SF3B1: variants seen among roughly 807,000 people sequenced by gnomAD.
SF3B1 encodes the protein splicing factor 3b subunit 1.
In SF3B1, 12 loss-of-function variants were observed where a neutral mutation model predicts 153.8. The ratio of observed to expected loss-of-function variants is 0.08; its 90% CI spans 0.05 to 0.13. SF3B1 has a LOEUF of 0.13. Among genes scored for constraint, SF3B1 ranks in the 10% least tolerant of loss-of-function variants. The pLI, the probability that SF3B1 is intolerant of heterozygous loss-of-function variation, is 1.00. For synonymous variants in SF3B1, 498 were observed against 525.2 expected (o/e 0.95, Z 0.71); for missense variants, 513 against 1,606.1 (o/e 0.32, Z 11.63).
At chr2:197,416,427 G>C (rs964671949) in intron 6 of SF3B1, among the ~76,000 whole-genome samples, 2 of 152,048 alleles carry the variant, frequency 1.3e-5, no homozygotes, top group Admixed American at 6.6e-5. Flanking sequence ...GGTAAATTAA[G>C]GTCAAATGGG....
At chr2:197,420,390 A>C (rs1378053870) in intron 4 of SF3B1, 38 bp downstream of exon 4, 2 of 1,479,388 alleles carry the variant, frequency 1.4e-6, no homozygotes, top group East Asian at 2.3e-5. Flanking sequence ...AATACAAATA[A>C]ATTTCTGAAT....
At chr2:197,431,394 A>C (rs76204729) in intron 1 of SF3B1, among the ~76,000 whole-genome samples, 23,856 of 152,164 alleles carry the variant, frequency 0.16, 2,118 homozygotes, top group Middle Eastern at 0.28. Context: ...TGCTGGGATT[A>C]TAGGTGTGAG....
At chr2:197,417,586 A>AAG (rs1035844602) in intron 5 of SF3B1, among the ~76,000 whole-genome samples, 3 of 150,836 alleles carry the variant, frequency 2.0e-5, no homozygotes, top group African/African-American at 7.3e-5. Flanking sequence ...AAAAAAAAAA[A>AAG]AAAAAAAAAG....
At position 197,401,644 on chromosome 2, in the gene SF3B1, AACAT is replaced by A; in HGVS notation, c.2370+94_2370+97del. The A allele has an allele frequency of 6.8e-7, 1 of 1,473,812 alleles. No homozygotes were observed. Among genetic ancestry groups the A allele is most frequent in the Non-Finnish European group, 9.3e-7 (1 of 1,076,012 alleles). The allele number at this position is 1,473,812 out of a possible 1,614,324, so 91.3% of individuals were successfully genotyped here. A position where few individuals can be genotyped will look rare whatever the true frequency, so the allele number is the denominator to read the frequency against. ...AAAACAAATCAAACAGTATTCGTGT[AACAT>A]ACAGTTTTTTTTGTTGATTTTTAAA... is the stretch of plus-strand genomic sequence containing the variant. On this transcript the variant is annotated intron_variant, in intron 16 of 24. Transcript: ENST00000335508. The surrounding 1 kb of genome is among the most constrained non-coding windows in gnomAD (Gnocchi z 4.2).
At position 197,434,238 on chromosome 2, in the gene SF3B1, T is replaced by G. The variant is rs539250873; in HGVS notation, c.28+734A>C. Among the ~76,000 whole-genome samples, 11 of 152,314 alleles carry G rather than the reference T, an allele frequency of 7.2e-5. No individual in the cohort carries two copies. The South Asian group carries it at 1.2e-3, about 17-fold the overall frequency. Reference sequence around the variant, plus strand: ...CCCATTTTCTGTCATCTCTGGATACTTCCTAATGAACTCCAGTCTATTCCC... The same window carrying G: ...CCCATTTTCTGTCATCTCTGGATACGTCCTAATGAACTCCAGTCTATTCCC... On this transcript the variant is annotated intron_variant, in intron 1 of 24. Coordinates refer to ENST00000335508, the MANE Select transcript of SF3B1 (RefSeq NM_012433.4).
At chr2:197,409,092 T>C (rs1276383747) in intron 7 of SF3B1, among the ~76,000 whole-genome samples, 1 of 152,042 alleles carries the variant, frequency 6.6e-6, no homozygotes, top group Non-Finnish European at 1.5e-5. Context: ...ACATTGTCTC[T>C]ACAAAAAATT....
rs764899588 is a variant in SF3B1 at position 197,393,086 on chromosome 2, A to G, written c.3642T>C (p.Tyr1214=). 5 of 1,613,460 alleles carry G rather than the reference A, an allele frequency of 3.1e-6. No individual in the cohort carries two copies. The highest frequency in any genetic ancestry group is 1.1e-5 in the South Asian group (1 of 91,064). The change falls in exon 24 of 25, where the codon TAT becomes TAC. Residue 1214 remains tyrosine, a synonymous_variant. Transcript: ENST00000335508. ...CEDSLNHLLN[Y]VWPNVFETSP... is the part of the protein sequence containing the mutation. ...ATGTCTCAAATACATTGGGCCATAC[A>G]TAGTTCAACAAGTGATTCAGCGAAT...
At position 197,400,634 on chromosome 2, in the gene SF3B1, T is replaced by C; in HGVS notation, c.2718+81A>G. On this transcript the variant is annotated intron_variant, in intron 18 of 24. Transcript: ENST00000335508. The surrounding 1 kb of genome is among the most constrained non-coding windows in gnomAD (Gnocchi z 5.0). ...AATTACTTCAAATTCAATTGCATTC[T>C]AGAAAAATTTGCTTGACAACTAATA... 1.7e-6 allele frequency: 2 copies of C among 1,165,736 alleles called. No homozygotes were observed. The highest frequency in any genetic ancestry group is 1.2e-6 in the Non-Finnish European group (1 of 816,708). The allele number at this position is 1,165,736 out of a possible 1,614,324, so 72.2% of individuals were successfully genotyped here.
chr2:197,393,770 G>T (rs558813431), intron 23 of SF3B1, among the ~76,000 whole-genome samples: 2 of 152,180 alleles, frequency 1.3e-5, no homozygotes, highest in South Asian at 4.2e-4. Context: ...ACTTTTAAAA[G>T]GAATATGAGC....
intron 1 of SF3B1, among the ~76,000 whole-genome samples, chr2:197,430,929 G>A (rs1188366784): frequency 2.0e-5 from 3 of 151,840 alleles, no homozygotes; most frequent in Admixed American, 2.0e-4. Context: ...CAAAATGCTG[G>A]GATTACATGC....
Position 197,401,368 on chromosome 2 carries a change from T to A in SF3B1, c.2496+32A>T. The A allele has an allele frequency of 6.4e-7, 1 of 1,573,490 alleles. No homozygotes were observed. The highest frequency in any genetic ancestry group is 8.6e-7 in the Non-Finnish European group (1 of 1,166,038). ...GACTAAAGAATGAGTTGAAAGGACTTTTGAGAATATTCTTTTACAATAAAA... is the reference window on the plus strand; with the variant it reads ...GACTAAAGAATGAGTTGAAAGGACTATTGAGAATATTCTTTTACAATAAAA... On this transcript the variant is annotated intron_variant, in intron 17 of 24. Coordinates refer to ENST00000335508, the MANE Select transcript of SF3B1 (RefSeq NM_012433.4). The surrounding 1 kb of genome is among the most constrained non-coding windows in gnomAD (Gnocchi z 4.2).
At chr2:197,404,350 C>T (rs1197555565) in intron 11 of SF3B1, among the ~76,000 whole-genome samples, 1 of 152,002 alleles carries the variant, frequency 6.6e-6, no homozygotes, top group East Asian at 1.9e-4. Context: ...GAGACCGAGG[C>T]AGGTTAATCA....
At chr2:197,419,069 TCATA>T in intron 4 of SF3B1, 1 of 747,974 alleles carries the variant, frequency 1.3e-6, no homozygotes, top group Admixed American at 2.7e-5. Flanking sequence ...GATAAGTTCT[TCATA>T]CAGTGTTCTA....
chr2:197,402,294 A>G lies in SF3B1; in HGVS notation c.2078-164T>C. The G allele has an allele frequency of 2.5e-6, 2 of 785,032 alleles. No homozygotes were observed. Among genetic ancestry groups the G allele is most frequent in the Admixed American group, 3.0e-5 (1 of 33,212 alleles). The allele number at this position is 785,032 out of a possible 1,614,324, so 48.6% of individuals were successfully genotyped here. Reference sequence around the variant, plus strand: ...AACATGAACCATAGCCTGTCAGCAGATAATATAACAAACCCATCATAAAAT... The same window carrying G: ...AACATGAACCATAGCCTGTCAGCAGGTAATATAACAAACCCATCATAAAAT... On this transcript the variant is annotated intron_variant, in intron 14 of 24. Transcript: ENST00000335508. This position sits in a 1 kb window ranked among gnomAD's most constrained non-coding sequence, Gnocchi z 4.6.
Position 197,405,481 on chromosome 2 carries a change from A to T in SF3B1, c.1240-9T>A, listed in dbSNP as rs1179839091. On this transcript the variant is annotated splice_polypyrimidine_tract_variant and intron_variant, in intron 9 of 24. Transcript: ENST00000335508. ...GCTGGAGGAGGAAGTACCTAATAAA[A>T]GTTATAAGACAGTTTAGGATTTTCT... 22 of 1,593,170 alleles carry T rather than the reference A, an allele frequency of 1.4e-5. No homozygotes were observed. Among genetic ancestry groups the T allele is most frequent in the Non-Finnish European group, 1.8e-5 (21 of 1,165,108 alleles).
chr2:197,395,313 T>C (rs1035277556), intron 23 of SF3B1, among the ~76,000 whole-genome samples: 1 of 152,176 alleles, frequency 6.6e-6, no homozygotes, highest in East Asian at 1.9e-4. Context: ...CATATATACG[T>C]TCTGGTAACT....
chr2:197,431,590 C>T (rs2085438469), intron 1 of SF3B1, among the ~76,000 whole-genome samples: 1 of 152,226 alleles, frequency 6.6e-6, no homozygotes, highest in Non-Finnish European at 1.5e-5. Flanking sequence ...CTACACCTTT[C>T]AGTCTGGTCC....
At chr2:197,407,540 G>A (rs1483212076) in intron 9 of SF3B1, among the ~76,000 whole-genome samples, 1 of 151,352 alleles carries the variant, frequency 6.6e-6, no homozygotes, top group African/African-American at 2.4e-5. Flanking sequence ...GGGAGGCGGA[G>A]GTTGCAATGA....
chr2:197,412,184 T>C (rs1256977732), intron 6 of SF3B1, among the ~76,000 whole-genome samples: 2 of 151,330 alleles, frequency 1.3e-5, no homozygotes, highest in African/African-American at 4.9e-5. Flanking sequence ...AGCACACAAA[T>C]TGTTTAAAAT....
Sources: allele counts gnomAD v4.1 joint callset (sites outside exome capture counted in the v4.1 genomes callset), GRCh38; gene constraint gnomAD v4.1.1; non-coding constraint Gnocchi (gnomAD v3.1); transcripts MANE v1.5; gene names NCBI Gene and HGNC (gene_info 2026-07-23, HGNC 2026-07-21).